CECR2: variants seen among roughly 807,000 people sequenced by gnomAD.
The protein encoded by CECR2 is CECR2 histone acetyl-lysine reader, also known as chromatin remodeling regulator CECR2.
CECR2 carries 30 observed loss-of-function variants against 154.5 expected under a neutral mutation model. That is an observed-to-expected ratio of 0.19 (90% confidence interval 0.15 to 0.26). The LOEUF (loss-of-function observed/expected upper bound fraction) is 0.26. Ranked by LOEUF, CECR2 falls within the 10% of genes least tolerant of loss-of-function variation. The pLI is 1.00. For missense variants in CECR2, 1,743 were observed against 1,829.3 expected, an observed-to-expected ratio of 0.95 and a Z score of 0.86; for synonymous variants, 725 against 683.7, an observed-to-expected ratio of 1.06 and a Z score of -0.94.
chr22:17,446,847 T>A (rs1034384096), intron 1 of CECR2, among the ~76,000 whole-genome samples: 1 of 152,108 alleles, frequency 6.6e-6, no homozygotes, highest in East Asian at 1.9e-4. Context: ...GGTGGCCAGC[T>A]TTATTCCCTT....
In CECR2 at chr22:17,542,866, C is replaced by T; in HGVS notation, c.2723C>T (p.Ala908Val). The change falls in exon 16 of 19, where the codon GCA (alanine) becomes GTA (valine). Residue 908 changes from alanine to valine, a missense_variant. Around this residue, in one of 4 missense-constraint regions of CECR2, gnomAD observed 1,250 missense variants for 1,192.1 expected, o/e 1.05. Transcript: ENST00000262608. Reference sequence around the variant, plus strand: ...GTGCCTTACCACCCCCACCAGCCTGCACACCCCCGTTTACCTGGCCCTTTT... The same window carrying T: ...GTGCCTTACCACCCCCACCAGCCTGTACACCCCCGTTTACCTGGCCCTTTT... ...PGVPYHPHQP[A>V]HPRLPGPFPQ... 2.5e-6 allele frequency: 4 copies of T among 1,613,934 alleles called. No homozygotes were observed. Among genetic ancestry groups the T allele is most frequent in the Non-Finnish European group, 3.4e-6 (4 of 1,179,852 alleles).
At chr22:17,524,394 T>TTTTTTC in intron 9 of CECR2, 123 bp downstream of exon 9, 1 of 1,097,744 alleles carries the variant, frequency 9.1e-7, no homozygotes, top group African/African-American at 1.8e-5. Context: ...TTTCTTTTTT[T>TTTTTTC]TTTTTTTTTT....
At chr22:17,494,534 G>A (rs1201768190) in intron 2 of CECR2, among the ~76,000 whole-genome samples, 2 of 152,196 alleles carry the variant, frequency 1.3e-5, no homozygotes, top group East Asian at 1.9e-4. Flanking sequence ...CTCGTGTGCT[G>A]AATGTGAATG....
At chr22:17,404,367 T>TTTTTTTTTTA (rs1601296628) in intron 1 of CECR2, among the ~76,000 whole-genome samples, 1 of 81,706 alleles carries the variant, frequency 1.2e-5, no homozygotes, top group Non-Finnish European at 2.4e-5. Context: ...CCCTGTTCTT[T>TTTTTTTTTTA]CTTTTTTTTT....
At chr22:17,434,400 T>C (rs941754014) in intron 1 of CECR2, among the ~76,000 whole-genome samples, 3 of 152,310 alleles carry the variant, frequency 2.0e-5, no homozygotes, top group Non-Finnish European at 4.4e-5. Flanking sequence ...TAATTTGAAA[T>C]GCAGCTTCTG....
intron 7 of CECR2, among the ~76,000 whole-genome samples, chr22:17,505,703 A>T (rs1235864639): frequency 1.3e-5 from 2 of 151,184 alleles, no homozygotes; most frequent in Non-Finnish European, 3.0e-5. Context: ...CGCCCAGCTA[A>T]TTTTTTGTGT....
intron 16 of CECR2, among the ~76,000 whole-genome samples, chr22:17,545,397 A>G (rs1005662889): frequency 6.7e-6 from 1 of 150,254 alleles, no homozygotes. Flanking sequence ...AAAAAAAAAA[A>G]GAAATGCCGT....
chr22:17,533,107 G>C (rs1427556926), intron 9 of CECR2, among the ~76,000 whole-genome samples: 2 of 149,598 alleles, frequency 1.3e-5, no homozygotes, highest in Non-Finnish European at 3.0e-5. Context: ...CACGAGGTCA[G>C]AAGATCAAGA....
chr22:17,486,829 C>T (rs1273704781), intron 2 of CECR2, among the ~76,000 whole-genome samples: 4 of 152,120 alleles, frequency 2.6e-5, no homozygotes, highest in Admixed American at 6.6e-5. Flanking sequence ...TGAATAAGCG[C>T]GAGTGGTGAT....
Position 17,542,597 on chromosome 22 carries a change from C to G in CECR2, c.2454C>G (p.Val818=), listed in dbSNP as rs752111145. The change falls in exon 16 of 19, where the codon GTC becomes GTG. Residue 818 remains valine, a synonymous_variant. Coordinates refer to ENST00000262608, the MANE Select transcript of CECR2 (RefSeq NM_001290047.2). The part of the protein sequence containing the change: ...VMDSRVMRPP[V]PPNQWTEQSG... ...ATTCCCGAGTCATGAGACCACCTGT[C>G]CCCCCCAACCAGTGGACTGAACAAT... 4 of 1,613,904 alleles carry G rather than the reference C, an allele frequency of 2.5e-6. No individual in the cohort carries two copies. Among genetic ancestry groups the G allele is most frequent in the Non-Finnish European group, 2.5e-6 (3 of 1,179,838 alleles).
chr22:17,458,199 G>A (rs2054883197), intron 1 of CECR2, among the ~76,000 whole-genome samples: 3 of 152,050 alleles, frequency 2.0e-5, no homozygotes, highest in East Asian at 1.9e-4. Context: ...GGTGGATCAC[G>A]AGATCAGGAG....
At chr22:17,391,960 C>T (rs935731629) in intron 1 of CECR2, among the ~76,000 whole-genome samples, 1 of 152,094 alleles carries the variant, frequency 6.6e-6, no homozygotes, top group African/African-American at 2.4e-5. Context: ...CGCCACCACA[C>T]CCAGCTAATT....
At chr22:17,524,297 G>A (rs375042326) in intron 9 of CECR2, 26 bp downstream of exon 9, 14 of 1,601,734 alleles carry the variant, frequency 8.7e-6, no homozygotes, top group African/African-American at 4.0e-5. Context: ...GCGTGGTCTG[G>A]AGAGGTGCAT....
intron 17 of CECR2, among the ~76,000 whole-genome samples, chr22:17,551,102 C>G (rs2056701622): frequency 6.6e-6 from 1 of 152,148 alleles, no homozygotes; most frequent in Non-Finnish European, 1.5e-5. Context: ...TACCTGTTTT[C>G]TTTGCTTTGC....
chr22:17,459,471 G>GT (rs567688735), intron 1 of CECR2, among the ~76,000 whole-genome samples: 246 of 150,578 alleles, frequency 1.6e-3, no homozygotes, highest in Admixed American at 3.6e-3. Context: ...TTTTGTGTGT[G>GT]TTTTTTTTTG....
chr22:17,447,599 G>GATA (rs1035040451), intron 1 of CECR2, among the ~76,000 whole-genome samples: 2 of 147,974 alleles, frequency 1.4e-5, no homozygotes, highest in African/African-American at 2.5e-5. Context: ...TCACATAGGA[G>GATA]TAATAAATAA....
At chr22:17,438,846 C>G (rs188131252) in intron 1 of CECR2, among the ~76,000 whole-genome samples, 57 of 151,702 alleles carry the variant, frequency 3.8e-4, no homozygotes, top group Non-Finnish European at 6.9e-4. Context: ...ATTGTAATCG[C>G]TAAGAAAAAA....
chr22:17,518,955 T>C, intron 8 of CECR2: 1 of 225,138 alleles, frequency 4.4e-6, no homozygotes, highest in Non-Finnish European at 9.2e-6. Flanking sequence ...CCTCTTTAAT[T>C]GCCTGTCCTC....
chr22:17,477,720 A>G (rs1249005508), intron 2 of CECR2, 38 bp downstream of exon 2: 1 of 1,408,260 alleles, frequency 7.1e-7, no homozygotes, highest in Non-Finnish European at 1.0e-6. Flanking sequence ...TTCTTGCGCC[A>G]AGAACTAATT....
Sources: gnomAD v4.1 joint callset for allele counts (sites outside exome capture counted in the v4.1 genomes callset) on GRCh38, gnomAD v4.1.1 for gene constraint, gnomAD v4.1.1 regional missense constraint, MANE v1.5 for transcripts, NCBI Gene and HGNC (gene_info 2026-07-23, HGNC 2026-07-21) for gene names.